Variants in PRKG1 observed in about 807,000 individuals in gnomAD.
PRKG1 encodes cGMP-dependent protein kinase 1.
PRKG1 carries 35 observed loss-of-function variants against 88.1 expected under a neutral mutation model. That is an observed-to-expected ratio of 0.40 (90% CI 0.30 to 0.53). The LOEUF is 0.53. Among genes scored for constraint, PRKG1 ranks in the 20% least tolerant of loss-of-function variants. The pLI is 0.59. For missense variants in PRKG1, 540 were observed against 839.8 expected (o/e 0.64, Z 4.41); for synonymous variants, 303 against 292.5 (o/e 1.04, Z -0.37).
At chr10:51,855,392 T>A (rs2132816074) in intron 4 of PRKG1, among the ~76,000 whole-genome samples, 1 of 152,304 alleles carries the variant, frequency 6.6e-6, no homozygotes, top group South Asian at 2.1e-4. Context: ...TCAGCAGCCA[T>A]CTTAACATTG....
chr10:52,139,122 A>G (rs1050867076), intron 8 of PRKG1, among the ~76,000 whole-genome samples: 5 of 152,112 alleles, frequency 3.3e-5, no homozygotes, highest in African/African-American at 9.7e-5. Context: ...GGCAATTTTT[A>G]TATTTATTTA....
chr10:51,697,861 A>G, intron 3 of PRKG1: 2 of 1,613,970 alleles, frequency 1.2e-6, no homozygotes, highest in South Asian at 1.1e-5. Flanking sequence ...TCTGCCCAGG[A>G]CTAAAACTGC....
chr10:51,326,677 G>A (rs150355890), intron 2 of PRKG1, among the ~76,000 whole-genome samples: 2 of 152,252 alleles, frequency 1.3e-5, no homozygotes, highest in East Asian at 3.9e-4. Context: ...TCAACATAAC[G>A]ATTTCTTTAT....
At chr10:51,402,721 G>C (rs1837784911) in intron 2 of PRKG1, among the ~76,000 whole-genome samples, 1 of 152,152 alleles carries the variant, frequency 6.6e-6, no homozygotes, top group South Asian at 2.1e-4. Flanking sequence ...GAAAGTGTAG[G>C]TGATTTTTTA....
intron 5 of PRKG1, among the ~76,000 whole-genome samples, chr10:51,916,951 T>A (rs1440014881): frequency 6.6e-6 from 1 of 152,170 alleles, no homozygotes; most frequent in Admixed American, 6.5e-5. Context: ...TTACATGAAG[T>A]ATATAAAACA....
At chr10:51,896,851 A>G (rs1161140073) in intron 4 of PRKG1, among the ~76,000 whole-genome samples, 1 of 152,064 alleles carries the variant, frequency 6.6e-6, no homozygotes, top group Non-Finnish European at 1.5e-5. Context: ...AATACAGTAT[A>G]TTTTGTATCT....
At chr10:51,488,161 C>T (rs1840601827) in intron 3 of PRKG1, among the ~76,000 whole-genome samples, 1 of 152,182 alleles carries the variant, frequency 6.6e-6, no homozygotes, top group Middle Eastern at 3.4e-3. Context: ...ACTGTGAGTC[C>T]AGCCCTAAAT....
At chr10:51,074,413 G>A (rs1843891052), upstream of PRKG1, 9 of 1,435,774 alleles carry the variant, frequency 6.3e-6, no homozygotes, top group Non-Finnish European at 8.3e-6. Flanking sequence ...CTGAAACTCT[G>A]GGTGGCTGGA....
At chr10:51,728,445 TTTTC>T (rs1842187991) in intron 3 of PRKG1, among the ~76,000 whole-genome samples, 1 of 99,548 alleles carries the variant, frequency 1.0e-5, no homozygotes, top group Admixed American at 8.9e-5. Context: ...AAATTCCATT[TTTTC>T]TTTGTTTTTT....
chr10:51,815,429 G>T (rs1014967018), intron 4 of PRKG1, among the ~76,000 whole-genome samples: 1 of 152,124 alleles, frequency 6.6e-6, no homozygotes, highest in Admixed American at 6.6e-5. Context: ...GGTCTTCTGG[G>T]ATCCCAGCAA....
chr10:52,216,380 T>G (rs751587267), intron 9 of PRKG1, among the ~76,000 whole-genome samples: 1 of 152,194 alleles, frequency 6.6e-6, no homozygotes, highest in Non-Finnish European at 1.5e-5. Flanking sequence ...GCTACCGGAA[T>G]GCCAGGGAAA....
intron 4 of PRKG1, among the ~76,000 whole-genome samples, chr10:51,815,231 C>T (rs962797578): frequency 6.6e-6 from 1 of 152,166 alleles, no homozygotes; most frequent in Non-Finnish European, 1.5e-5. Context: ...TAAATCTTTC[C>T]TGTAGTAAGG....
At chr10:51,240,695 A>C (rs940114519) in intron 2 of PRKG1, among the ~76,000 whole-genome samples, 13 of 152,204 alleles carry the variant, frequency 8.5e-5, no homozygotes, top group African/African-American at 3.1e-4. Context: ...CAAAAGGACT[A>C]TCACCTTGAA....
At chr10:51,114,376 C>T (rs1421276745) in intron 1 of PRKG1, among the ~76,000 whole-genome samples, 1 of 151,006 alleles carries the variant, frequency 6.6e-6, no homozygotes, top group Non-Finnish European at 1.5e-5. Flanking sequence ...CTGTGATTTC[C>T]TAAAGAAAGT....
At chr10:52,265,116 T>C (rs1005705774) in intron 10 of PRKG1, among the ~76,000 whole-genome samples, 2 of 152,090 alleles carry the variant, frequency 1.3e-5, no homozygotes, top group African/African-American at 4.8e-5. Context: ...TTAAAGATAA[T>C]ATAGTTTTGC....
intron 4 of PRKG1, among the ~76,000 whole-genome samples, chr10:51,847,840 TAAAAAAAAAAAAAAAAAAAAAA>T (rs766423513): frequency 2.8e-5 from 1 of 35,200 alleles, no homozygotes; most frequent in African/African-American, 1.0e-4. Context: ...AAGACTCTGT[TAAAAAAAAAAAAAAAAAAAAAA>T]AAAAAAAAAA....
intron 2 of PRKG1, among the ~76,000 whole-genome samples, chr10:51,206,087 T>C (rs1223487674): frequency 6.6e-6 from 1 of 152,200 alleles, no homozygotes; most frequent in East Asian, 1.9e-4. Flanking sequence ...CAAAGTTCTG[T>C]TTTCTGACTT....
intron 1 of PRKG1, among the ~76,000 whole-genome samples, chr10:51,122,790 T>C (rs746748228): frequency 1.3e-5 from 2 of 152,188 alleles, no homozygotes; most frequent in Non-Finnish European, 2.9e-5. Flanking sequence ...ATAAACCACC[T>C]ACTTCAGATC....
At chr10:51,491,816 C>T (rs1840714255) in intron 3 of PRKG1, among the ~76,000 whole-genome samples, 1 of 152,056 alleles carries the variant, frequency 6.6e-6, no homozygotes, top group South Asian at 2.1e-4. Flanking sequence ...TGGACAGTGG[C>T]TGAATATTTT....
Sources: gnomAD v4.1 joint callset for allele counts (sites outside exome capture counted in the v4.1 genomes callset) on GRCh38, gnomAD v4.1.1 for gene constraint, MANE v1.5 for transcripts, NCBI Gene and HGNC (gene_info 2026-07-23, HGNC 2026-07-21) for gene names.